Variants in MTR observed in about 807,000 individuals in gnomAD.
MTR encodes 5-methyltetrahydrofolate-homocysteine methyltransferase.
MTR carries 84 observed loss-of-function variants against 154.8 expected under a neutral mutation model. That is an observed-to-expected ratio of 0.54 (90% CI 0.45 to 0.65). The LOEUF is 0.65. MTR is among the 30% of genes least tolerant of loss of function. MTR has a pLI of 0.00. For missense variants in MTR, 1,275 were observed against 1,570.2 expected (o/e 0.81, Z 3.18); for synonymous variants, 554 against 553.9 (o/e 1.00, Z 0.00).
At chr1:236,870,428 A>G (rs1665062826) in intron 22 of MTR, among the ~76,000 whole-genome samples, 1 of 152,140 alleles carries the variant, frequency 6.6e-6, no homozygotes, top group Non-Finnish European at 1.5e-5. Flanking sequence ...CACTGTCTAG[A>G]TGTGTGTTTC....
At chr1:236,897,310 G>GCACGCGCGCACACA (rs1373475510) in intron 32 of MTR, among the ~76,000 whole-genome samples, 192 bp downstream of exon 32, 24 of 128,680 alleles carry the variant, frequency 1.9e-4, no homozygotes, top group African/African-American at 6.3e-4. Context: ...CCACACACAC[G>GCACGCGCGCACACA]CACACACACA....
Position 236,897,956 on chromosome 1 carries a change from G to T in MTR, c.*312G>T. The stretch of plus-strand genomic sequence containing the variant: ...GTTTGATTTCAAAGCAAGTCAACCT[G>T]CTTTTTTCTGTTTTTACAGTGGAAT... On this transcript the variant is annotated 3_prime_UTR_variant, in exon 33 of 33. Coordinates refer to ENST00000366577, the MANE Select transcript of MTR (RefSeq NM_000254.3). 3.2e-6 allele frequency: 1 copy of T among 314,872 alleles called. No individual in the cohort carries two copies. Among genetic ancestry groups the T allele is most frequent in the Non-Finnish European group, 5.8e-6 (1 of 170,956 alleles). 19.5% of individuals were successfully genotyped at this position (314,872 alleles called of 1,614,324 possible). A position where few individuals can be genotyped will look rare whatever the true frequency, so the allele number is the denominator to read the frequency against.
At position 236,897,310 on chromosome 1, in the gene MTR, G is replaced by GCGCGCGCACACACACACACACACACACA; in HGVS notation, c.3711+193_3711+194insGCGCGCACACACACACACACACACACAC. 7.8e-5 allele frequency among the ~76,000 whole-genome samples: 10 copies of GCGCGCGCACACACACACACACACACACA among 128,680 alleles called. No individual in the cohort carries two copies. In the South Asian group the frequency reaches 8.2e-4, roughly 11 times the overall value. 84.4% of individuals were successfully genotyped at this position (128,680 alleles called of 152,430 possible). A position where few individuals can be genotyped will look rare whatever the true frequency, so the allele number is the denominator to read the frequency against. On this transcript the variant is annotated intron_variant, in intron 32 of 32. Transcript: ENST00000366577. ...ACTTCTACATGCAAGCCACACACAC[G>GCGCGCGCACACACACACACACACACACA]CACACACACACACACACACACACAC...
At chr1:236,840,396 A>G (rs889256568) in intron 15 of MTR, among the ~76,000 whole-genome samples, 3 of 152,198 alleles carry the variant, frequency 2.0e-5, no homozygotes, top group Non-Finnish European at 2.9e-5. Context: ...CACAGCTAAC[A>G]GTTTGCAGTG....
At chr1:236,870,375 A>T (rs1665059354) in intron 22 of MTR, among the ~76,000 whole-genome samples, 1 of 152,212 alleles carries the variant, frequency 6.6e-6, no homozygotes, top group Non-Finnish European at 1.5e-5. Context: ...CTTTAAACAC[A>T]GAAATGTTCT....
chr1:236,868,184 A>C (rs886653098), intron 22 of MTR, among the ~76,000 whole-genome samples: 1 of 152,074 alleles, frequency 6.6e-6, no homozygotes, highest in Non-Finnish European at 1.5e-5. Flanking sequence ...TGCAGCCACC[A>C]CTCTAATCAG....
intron 22 of MTR, among the ~76,000 whole-genome samples, chr1:236,866,137 TACA>T (rs1381698058): frequency 6.6e-6 from 1 of 152,238 alleles, no homozygotes; most frequent in East Asian, 1.9e-4. Context: ...GCTTTGCAGA[TACA>T]GCATTTTGTA....
chr1:236,855,703 A>G lies in MTR; in HGVS notation c.1953+2615A>G, dbSNP rs185059559. Among the ~76,000 whole-genome samples, 5 of 152,338 alleles carry G rather than the reference A, an allele frequency of 3.3e-5. No homozygotes were observed. The East Asian group carries it at 9.6e-4, about 29-fold the overall frequency. On this transcript the variant is annotated intron_variant, in intron 18 of 32. Coordinates refer to ENST00000366577, the MANE Select transcript of MTR (RefSeq NM_000254.3). ...CAGAAGCAACTCTAGAGTGGGAAGA[A>G]GTAGTTTTTCTCATTAGCTTTGTAC...
intron 28 of MTR, 127 bp from the exon 29 acceptor site, chr1:236,891,006 T>G: frequency 8.9e-7 from 1 of 1,119,112 alleles, no homozygotes; most frequent in Non-Finnish European, 1.3e-6. Context: ...CCAGAAAGCA[T>G]TTGAGGAAAA....
At chr1:236,889,046 T>C (rs1666174022) in intron 27 of MTR, 135 bp from the exon 28 acceptor site, 2 of 1,077,508 alleles carry the variant, frequency 1.9e-6, no homozygotes, top group African/African-American at 1.6e-5. Context: ...GTTCCCCTCT[T>C]TGTAAAACAA....
At chr1:236,862,210 T>C (rs779768043) in intron 20 of MTR, 26 bp from the exon 21 acceptor site, 1 of 1,584,954 alleles carries the variant, frequency 6.3e-7, no homozygotes, top group Non-Finnish European at 8.7e-7. Flanking sequence ...TTGGGAAAGA[T>C]ACCTGATCTA....
At chr1:236,811,095 C>T (rs948339065) in intron 5 of MTR, among the ~76,000 whole-genome samples, 5 of 152,298 alleles carry the variant, frequency 3.3e-5, no homozygotes, top group Middle Eastern at 3.4e-3. Context: ...GCCTCACAAT[C>T]ATGGCAGAAG....
At chr1:236,882,000 T>G (rs1418322654) in intron 25 of MTR, among the ~76,000 whole-genome samples, 1 of 152,224 alleles carries the variant, frequency 6.6e-6, no homozygotes, top group African/African-American at 2.4e-5. Context: ...TAAATTAAAC[T>G]TGTTTCCCAT....
Position 236,838,523 on chromosome 1 carries a change from ACTT to A in MTR, c.1443_1445del (p.Phe481del). 6.2e-7 allele frequency: 1 copy of A among 1,614,092 alleles called. No homozygotes were observed. The highest frequency in any genetic ancestry group is 8.5e-7 in the Non-Finnish European group (1 of 1,180,020). Reference sequence around the variant, plus strand: ...ATTAGTCTGAAGGAAGGAGAGGACGACTTCTTGGAGAAGGCCAGGAAGATTAAA... The same window carrying A: ...ATTAGTCTGAAGGAAGGAGAGGACGACTTGGAGAAGGCCAGGAAGATTAAA... On this transcript the variant is annotated inframe_deletion, in exon 15 of 33. Transcript: ENST00000366577.
chr1:236,892,794 C>A (rs1056495996), intron 29 of MTR, among the ~76,000 whole-genome samples: 1 of 152,304 alleles, frequency 6.6e-6, no homozygotes, highest in South Asian at 2.1e-4. Flanking sequence ...TCAAAAACCT[C>A]TGCTCTAGCC....
intron 23 of MTR, among the ~76,000 whole-genome samples, 156 bp downstream of exon 23, chr1:236,873,996 C>G (rs368950500): frequency 2.6e-5 from 4 of 152,116 alleles, no homozygotes; most frequent in African/African-American, 9.7e-5. Context: ...GCTTTCATTG[C>G]CATTTCTAAT....
chr1:236,896,347 T>G (rs1044033518), intron 31 of MTR, among the ~76,000 whole-genome samples: 2 of 152,234 alleles, frequency 1.3e-5, no homozygotes, highest in African/African-American at 2.4e-5. Context: ...AACCATGAGC[T>G]GTGCTGAATC....
intron 22 of MTR, among the ~76,000 whole-genome samples, chr1:236,865,140 T>C (rs1015634617): frequency 6.6e-6 from 1 of 152,228 alleles, no homozygotes; most frequent in African/African-American, 2.4e-5. Flanking sequence ...ATGTCAGCAG[T>C]TGTGAAGACT....
At chr1:236,828,136 C>T (rs1662401958) in intron 11 of MTR, among the ~76,000 whole-genome samples, 1 of 152,120 alleles carries the variant, frequency 6.6e-6, no homozygotes, top group African/African-American at 2.4e-5. Flanking sequence ...TGCCACCATG[C>T]CCGGCTAATT....
Sources: allele counts gnomAD v4.1 joint callset (sites outside exome capture counted in the v4.1 genomes callset), GRCh38; gene constraint gnomAD v4.1.1; transcripts MANE v1.5; gene names NCBI Gene and HGNC (gene_info 2026-07-23, HGNC 2026-07-21).